The following COL16A1 variants were observed in gnomAD, a reference collection of about 807,000 sequenced individuals.
COL16A1 encodes the protein collagen alpha-1(XVI) chain.
In COL16A1, 189 loss-of-function variants were observed where a neutral mutation model predicts 266.3. That is an observed-to-expected ratio of 0.71 (90% CI 0.63 to 0.80). The LOEUF (loss-of-function observed/expected upper bound fraction) is 0.80, where lower values mean the gene tolerates loss of function less well. COL16A1 is among the 30% of genes least tolerant of loss of function. The probability of loss-of-function intolerance (pLI) is 0.00; values close to 1 mark genes in which losing one functional copy is unlikely to be tolerated. For synonymous variants in COL16A1, 740 were observed against 782.3 expected, an observed-to-expected ratio of 0.95 and a Z score of 0.90; for missense variants, 1,928 against 2,122.4, an observed-to-expected ratio of 0.91 and a Z score of 1.80.
At chr1:31,680,189 A>AT in intron 39 of COL16A1, 88 bp from the exon 40 acceptor site, 1 of 1,531,486 alleles carries the variant, frequency 6.5e-7, no homozygotes, top group South Asian at 1.2e-5. Flanking sequence ...GGCTCTAGAG[A>AT]TGGAGAGGCC....
rs747943743 is a variant in COL16A1 at position 31,660,594 on chromosome 1, C to T, written c.3870G>A (p.Pro1290=). ...AMGPQGRPGP[P]GHVGPPGPPG... is the part of the protein sequence containing the mutation. ...AAGTGGTTCAACTCACAACGTGTCC[C>T]GGGGGACCGGGTCTTCCCTGGGGTC... is the stretch of plus-strand genomic sequence containing the variant. Residue 1290 remains proline, a synonymous_variant, in exon 62 of 71, where the codon CCG becomes CCA. Transcript: ENST00000373672. 13 of 1,614,156 alleles carry T rather than the reference C, an allele frequency of 8.1e-6. No homozygotes were observed. Among genetic ancestry groups the T allele is most frequent in the South Asian group, 4.4e-5 (4 of 91,076 alleles).
rs1042076922 is a variant in COL16A1 at position 31,670,970 on chromosome 1, C to T, written c.3151-324G>A. Reference sequence around the variant, plus strand: ...AGCCTTGCCCACCATGCCTGCCACCCGACCTCCACCTGTCCCCCGAGTGGG... The same window carrying T: ...AGCCTTGCCCACCATGCCTGCCACCTGACCTCCACCTGTCCCCCGAGTGGG... On this transcript the variant is annotated intron_variant, in intron 48 of 70. Transcript: ENST00000373672. The surrounding 1 kb of genome is among the most constrained non-coding windows in gnomAD (Gnocchi z 4.5). Among the ~76,000 whole-genome samples, 2 of 152,170 alleles carry T rather than the reference C, an allele frequency of 1.3e-5. No individual in the cohort carries two copies. Among genetic ancestry groups the T allele is most frequent in the Middle Eastern group, 3.2e-3 (1 of 316 alleles).
intron 20 of COL16A1, 107 bp from the exon 21 acceptor site, chr1:31,690,680 C>G: frequency 6.7e-7 from 1 of 1,498,534 alleles, no homozygotes; most frequent in Non-Finnish European, 8.9e-7. Context: ...CAATCGTTGC[C>G]AAATCTCTTG....
chr1:31,671,055 T>G (rs1360577321), intron 48 of COL16A1, among the ~76,000 whole-genome samples: 4 of 152,214 alleles, frequency 2.6e-5, no homozygotes, highest in African/African-American at 9.6e-5. Context: ...GAAAGCATTT[T>G]CAGTTCTTTC....
At chr1:31,677,476 T>C (rs11584199) in intron 42 of COL16A1, among the ~76,000 whole-genome samples, 6,708 of 152,332 alleles carry the variant, frequency 0.044, 195 homozygotes, top group Non-Finnish European at 0.063. Context: ...CCTGATACTT[T>C]GTAATTGTTT....
At chr1:31,665,364 G>A (rs1642036716) in intron 55 of COL16A1, 130 bp from the exon 56 acceptor site, 1 of 1,440,932 alleles carries the variant, frequency 6.9e-7, no homozygotes, top group African/African-American at 1.4e-5. Flanking sequence ...CACCACTTGG[G>A]AGCATTACGT....
At chr1:31,683,564 G>A in intron 34 of COL16A1, 143 bp downstream of exon 34, 2 of 1,571,798 alleles carry the variant, frequency 1.3e-6, no homozygotes, top group East Asian at 2.2e-5. Context: ...GCAGGCCAGG[G>A]CTGCGGCCTG....
chr1:31,694,707 C>A (rs1230186395), intron 11 of COL16A1, among the ~76,000 whole-genome samples: 1 of 152,190 alleles, frequency 6.6e-6, no homozygotes, highest in Non-Finnish European at 1.5e-5. Flanking sequence ...CACTGAGCCC[C>A]TCTCCTTGCC....
rs769867987 is a variant in COL16A1 at position 31,664,979 on chromosome 1, A to G, written c.3555+193T>C. ...CCTGGGCCAAGCAGACATCCCGAGG[A>G]GCCCACTGGTCCACTGCAAGCCCTG... On this transcript the variant is annotated intron_variant, in intron 56 of 70. Coordinates refer to ENST00000373672, the MANE Select transcript of COL16A1 (RefSeq NM_001856.4). The surrounding 1 kb of genome is among the most constrained non-coding windows in gnomAD (Gnocchi z 5.5). 7.9e-5 allele frequency among the ~76,000 whole-genome samples: 12 copies of G among 152,138 alleles called. No homozygotes were observed. The highest frequency in any genetic ancestry group is 1.8e-4 in the Non-Finnish European group (12 of 68,034).
rs769343278 is a variant in COL16A1, at chr1:31,684,844, C to T, written c.2029G>A (p.Glu677Lys). Residue 677 changes from glutamate (E) to lysine (K), a missense_variant, in exon 30 of 71, where the codon GAG becomes AAG. Physicochemically the swap from Glu to Lys is moderately conservative, Grantham distance 56. Coordinates refer to ENST00000373672, the MANE Select transcript of COL16A1 (RefSeq NM_001856.4). ...ACCTTCTGCCCCTTCAGTCCACGCT[C>T]TCCAGCCTTGCCCTGAGGAGAAAGC... Reference protein sequence around the residue: ...GLPGKQGKAGERGLKGQKGDA... With the variant: ...GLPGKQGKAGKRGLKGQKGDA... The T allele has an allele frequency of 1.9e-6, 3 of 1,614,130 alleles. No homozygotes were observed. Among genetic ancestry groups the T allele is most frequent in the South Asian group, 2.2e-5 (2 of 91,092 alleles).
chr1:31,682,979 G>A lies in COL16A1; in HGVS notation c.2493C>T (p.Ala831=). The change falls in exon 37 of 71, where the codon GCC becomes GCT. Residue 831 remains alanine (A), a synonymous_variant. Transcript: ENST00000373672. ...CCCCAGGAGGTCCCACAGGTCCGGT[G>A]GCTCCTTTCACCCCTGGAGATCCCT... ...GAQGSPGVKG[A]TGPVGPPGAS... is the part of the protein sequence containing the mutation. The A allele has an allele frequency of 6.2e-7, 1 of 1,614,026 alleles. No individual in the cohort carries two copies. The highest frequency in any genetic ancestry group is 8.5e-7 in the Non-Finnish European group (1 of 1,180,026).
In COL16A1 at chr1:31,698,567, C is replaced by T. The variant is rs539158383; in HGVS notation, c.306G>A (p.Leu102=). The change falls in exon 5 of 71, where the codon CTG becomes CTA. Residue 102 remains leucine, a synonymous_variant. Transcript: ENST00000373672. This position sits in a 1 kb window ranked among gnomAD's most constrained non-coding sequence, Gnocchi z 4.1. ...GTTTCTTCAGCAGTAGTGTCAGCACCAGGGCAAACTCCTCCGGGAGACCCC... is the reference window on the plus strand; with the variant it reads ...GTTTCTTCAGCAGTAGTGTCAGCACTAGGGCAAACTCCTCCGGGAGACCCC... The part of the protein sequence containing the change: ...FPRGLPEEFA[L]VLTLLLKKHT... 6 of 1,613,912 alleles carry T rather than the reference C, an allele frequency of 3.7e-6. No homozygotes were observed. Among genetic ancestry groups the T allele is most frequent in the Non-Finnish European group, 5.1e-6 (6 of 1,180,004 alleles).
At position 31,697,994 on chromosome 1, in the gene COL16A1, G is replaced by A. The variant is rs1450411168; in HGVS notation, c.569C>T (p.Ser190Phe). ...ASVHVDCSSA[S>F]SQPLGPRRPM... Reference sequence around the variant, plus strand: ...TCGTCGGGGCCCCAGAGGCTGGGAGGAGGCTGAGCTGCAGTCCACGTGCAC... The same window carrying A: ...TCGTCGGGGCCCCAGAGGCTGGGAGAAGGCTGAGCTGCAGTCCACGTGCAC... Residue 190 changes from serine to phenylalanine, a missense_variant, in exon 6 of 71, where the codon TCC becomes TTC. Ser to Phe is a radical substitution (Grantham distance 155). This residue lies in a region of COL16A1 where 1,552 missense variants were observed against 1,637.2 expected (regional missense o/e 0.95). Coordinates refer to ENST00000373672, the MANE Select transcript of COL16A1 (RefSeq NM_001856.4). The surrounding 1 kb of genome is among the most constrained non-coding windows in gnomAD (Gnocchi z 4.2). 7 of 1,613,516 alleles carry A rather than the reference G, an allele frequency of 4.3e-6. No homozygotes were observed. Among genetic ancestry groups the A allele is most frequent in the Non-Finnish European group, 5.9e-6 (7 of 1,180,032 alleles).
chr1:31,684,804 C>T lies in COL16A1; in HGVS notation c.2052+17G>A, dbSNP rs1225334382. 19 of 1,614,096 alleles carry T rather than the reference C, an allele frequency of 1.2e-5. No homozygotes were observed. Among genetic ancestry groups the T allele is most frequent in the Non-Finnish European group, 1.5e-5 (18 of 1,180,016 alleles). ...ATGATGCCATGCCCACCCCCGTGCC[C>T]ACGGACGCCCTCTCACCTTCTGCCC... On this transcript the variant is annotated intron_variant, in intron 30 of 70. Transcript: ENST00000373672.
intron 1 of COL16A1, among the ~76,000 whole-genome samples, chr1:31,702,780 T>C (rs56232102): frequency 0.15 from 23,128 of 152,142 alleles, 1,918 homozygotes; most frequent in South Asian, 0.34. Context: ...CAGCCTTCCA[T>C]AGGGCTGTGT....
chr1:31,678,254 G>A (rs1231678319), intron 42 of COL16A1, among the ~76,000 whole-genome samples: 1 of 152,194 alleles, frequency 6.6e-6, no homozygotes. Context: ...GGAGTAGCTT[G>A]TAAAAAGCTT....
At position 31,685,587 on chromosome 1, in the gene COL16A1, T is replaced by C. The variant is rs1643928682; in HGVS notation, c.2016+52A>G. Reference sequence around the variant, plus strand: ...CCAGGCAGGACCCCTCCCCTCTCCTTAGCCCCGCCTGCATCCCCCGTCCAG... The same window carrying C: ...CCAGGCAGGACCCCTCCCCTCTCCTCAGCCCCGCCTGCATCCCCCGTCCAG... On this transcript the variant is annotated intron_variant, in intron 29 of 70. Coordinates refer to ENST00000373672, the MANE Select transcript of COL16A1 (RefSeq NM_001856.4). This position sits in a 1 kb window ranked among gnomAD's most constrained non-coding sequence, Gnocchi z 4.0. 8.8e-6 allele frequency: 14 copies of C among 1,587,832 alleles called. No individual in the cohort carries two copies. The highest frequency in any genetic ancestry group is 1.3e-5 in the African/African-American group (1 of 74,544).
chr1:31,678,879 T>C (rs1430341478), intron 42 of COL16A1, among the ~76,000 whole-genome samples: 2 of 152,174 alleles, frequency 1.3e-5, no homozygotes, highest in Non-Finnish European at 2.9e-5. Context: ...GTACCCTTTA[T>C]TCACAGTGTC....
chr1:31,689,761 C>T lies in COL16A1; in HGVS notation c.1600G>A (p.Gly534Ser), dbSNP rs1199191277. 7 of 1,613,964 alleles carry T rather than the reference C, an allele frequency of 4.3e-6. No homozygotes were observed. The African/African-American group carries it at 5.3e-5, about 12-fold the overall frequency. The change falls in exon 23 of 71, where the codon GGT becomes AGT. Residue 534 changes from glycine to serine, a missense_variant. By Grantham distance (56) the Gly-to-Ser change is moderately conservative. Coordinates refer to ENST00000373672, the MANE Select transcript of COL16A1 (RefSeq NM_001856.4). ...PGKPGPKGEP[G>S]DPVPARGDPG... Reference sequence around the variant, plus strand: ...CTCACCCTGGCTGGTACAGGATCACCAGGCTCCCCTTTGGGCCCTGGCTTT... The same window carrying T: ...CTCACCCTGGCTGGTACAGGATCACTAGGCTCCCCTTTGGGCCCTGGCTTT...
Sources: gnomAD v4.1 joint callset for allele counts (sites outside exome capture counted in the v4.1 genomes callset) on GRCh38, gnomAD v4.1.1 for gene constraint, gnomAD v4.1.1 regional missense constraint, Gnocchi (gnomAD v3.1) non-coding constraint, MANE v1.5 for transcripts, NCBI Gene and HGNC (gene_info 2026-07-23, HGNC 2026-07-21) for gene names.